SCAF11: variants seen among roughly 807,000 people sequenced by gnomAD.
SCAF11 encodes the protein protein SCAF11.
A neutral mutation model predicts 140.5 loss-of-function variants in SCAF11; 47 were observed. That is an observed-to-expected ratio of 0.33 (90% confidence interval 0.26 to 0.43). The LOEUF is 0.43. Among genes scored for constraint, SCAF11 ranks in the 20% least tolerant of loss-of-function variants. The pLI is 1.00. For synonymous variants in SCAF11, 557 were observed against 579.4 expected, an observed-to-expected ratio of 0.96 and a Z score of 0.55; for missense variants, 1,645 against 1,705.1, an observed-to-expected ratio of 0.96 and a Z score of 0.62.
chr12:45,952,758 G>A (rs536188709), intron 3 of SCAF11, among the ~76,000 whole-genome samples: 54 of 152,208 alleles, frequency 3.5e-4, no homozygotes, highest in African/African-American at 9.1e-4. Context: ...TGCAAAGAGC[G>A]TACCAAAAGG....
chr12:45,926,489 C>A lies in SCAF11; in HGVS notation c.3212G>T (p.Arg1071Leu), dbSNP rs146183261. Residue 1071 changes from arginine (R) to leucine (L), a missense_variant, in exon 11 of 15, where the codon CGT (arginine) becomes CTT (leucine). Coordinates refer to ENST00000369367, the MANE Select transcript of SCAF11 (RefSeq NM_004719.3). ...KNFGSGWVSN[R>L]GRGRGNRGRG... ...GCCACGGTTGCCTCTGCCTCTACCA[C>A]GGTTAGATACCCAACCAGAACCAAA... 8.7e-6 allele frequency: 14 copies of A among 1,614,068 alleles called. No individual in the cohort carries two copies. Among genetic ancestry groups the A allele is most frequent in the African/African-American group, 1.3e-5 (1 of 74,934 alleles).
At chr12:45,987,356 A>C (rs1946480318) in intron 1 of SCAF11, among the ~76,000 whole-genome samples, 2 of 152,382 alleles carry the variant, frequency 1.3e-5, no homozygotes, top group East Asian at 1.9e-4. Flanking sequence ...GCTTAGTCTA[A>C]AGTTTCAAAC....
In SCAF11 at chr12:45,928,268, C is replaced by T. The variant is rs1019839641; in HGVS notation, c.1433G>A (p.Cys478Tyr). ...AACTAGCACAGGAAGATCTTGAGCA[C>T]AAGACTCAGAAGATGAAGATCCTAC... ...ERVGSSSSES[C>Y]AQDLPVLVGE... is the part of the protein sequence containing the mutation. The change falls in exon 11 of 15, where the codon TGT (cysteine) becomes TAT (tyrosine). Residue 478 changes from cysteine to tyrosine, a missense_variant. Around this residue, in one of 2 missense-constraint regions of SCAF11, gnomAD observed 1,582 missense variants for 1,609.2 expected, o/e 0.98. Transcript: ENST00000369367. 1 of 1,613,854 alleles carries T rather than the reference C, an allele frequency of 6.2e-7. No individual in the cohort carries two copies. Among genetic ancestry groups the T allele is most frequent in the African/African-American group, 1.3e-5 (1 of 74,920 alleles).
chr12:45,972,893 GATATATATAT>G lies in SCAF11; in HGVS notation c.-21-8715_-21-8706del, dbSNP rs377736896. Among the ~76,000 whole-genome samples, 3 of 63,830 alleles carry G rather than the reference GATATATATAT, an allele frequency of 4.7e-5. 1 individual carries two copies. Among genetic ancestry groups the G allele is most frequent in the African/African-American group, 3.9e-4 (3 of 7,618 alleles). The allele number at this position is 63,830 out of a possible 152,430, so 41.9% of individuals were successfully genotyped here. ...ATATATATATATAGATATATATATA[GATATATATAT>G]ATATAGATATATATATAGATATATA... On this transcript the variant is annotated intron_variant, in intron 1 of 14. Transcript: ENST00000369367.
intron 6 of SCAF11, among the ~76,000 whole-genome samples, chr12:45,937,973 A>G (rs1169775518): frequency 6.6e-6 from 1 of 152,210 alleles, no homozygotes; most frequent in Non-Finnish European, 1.5e-5. Context: ...GCCTTCACAG[A>G]TAATGGAGGC....
rs186355188 is a variant in SCAF11 at position 45,960,270 on chromosome 12, T to C, written c.219+1430A>G. 2.2e-3 allele frequency among the ~76,000 whole-genome samples: 341 copies of C among 152,276 alleles called. 3 individuals are homozygous for C. In the Middle Eastern group the frequency reaches 0.024, roughly 11 times the overall value. On this transcript the variant is annotated intron_variant, in intron 3 of 14. Transcript: ENST00000369367. ...TTATCTACTTATTACATACACATTA[T>C]AATTTTCTTAGAGCAAAACATATAC...
intron 5 of SCAF11, among the ~76,000 whole-genome samples, chr12:45,946,023 C>T (rs1377214314): frequency 1.3e-4 from 20 of 152,060 alleles, no homozygotes; most frequent in Admixed American, 1.3e-3. Flanking sequence ...ATCTTACTGG[C>T]TGATCATGAC....
intron 2 of SCAF11, among the ~76,000 whole-genome samples, chr12:45,962,595 C>A (rs1243706276): frequency 2.0e-5 from 3 of 151,972 alleles, no homozygotes; most frequent in African/African-American, 7.3e-5. Context: ...CTCTGAAATT[C>A]AACATAAAAA....
intron 6 of SCAF11, among the ~76,000 whole-genome samples, chr12:45,939,156 G>GT (rs924519981): frequency 1.3e-5 from 2 of 151,120 alleles, no homozygotes; most frequent in African/African-American, 4.9e-5. Flanking sequence ...TGTTTTAATG[G>GT]TAAAAACTGT....
intron 1 of SCAF11, among the ~76,000 whole-genome samples, chr12:45,969,131 T>C (rs180976024): frequency 6.6e-6 from 1 of 152,306 alleles, no homozygotes; most frequent in Admixed American, 6.5e-5. Flanking sequence ...TAAAAATATA[T>C]TTAATAGCTG....
chr12:45,956,590 C>G (rs1444398927), intron 3 of SCAF11, among the ~76,000 whole-genome samples: 1 of 151,986 alleles, frequency 6.6e-6, no homozygotes, highest in Non-Finnish European at 1.5e-5. Flanking sequence ...GGAGTGTATC[C>G]CTAAAGGACA....
intron 1 of SCAF11, among the ~76,000 whole-genome samples, chr12:45,972,022 T>C (rs1173312807): frequency 1.3e-5 from 2 of 152,052 alleles, no homozygotes; most frequent in African/African-American, 4.8e-5. Flanking sequence ...CTCAAGAAAG[T>C]AACAGCTGTT....
chr12:45,922,338 C>CA (rs1459260370), intron 14 of SCAF11, 125 bp downstream of exon 14: 1 of 1,476,370 alleles, frequency 6.8e-7, no homozygotes, highest in Non-Finnish European at 9.1e-7. Flanking sequence ...AATCAAAAGG[C>CA]AAAAAAGTAG....
chr12:45,976,232 T>C (rs1946229535), intron 1 of SCAF11, among the ~76,000 whole-genome samples: 1 of 152,178 alleles, frequency 6.6e-6, no homozygotes, highest in Non-Finnish European at 1.5e-5. Context: ...AAATTTTAAG[T>C]ATGTATAATT....
intron 1 of SCAF11, among the ~76,000 whole-genome samples, chr12:45,987,150 A>G (rs1489359213): frequency 6.6e-6 from 1 of 152,220 alleles, no homozygotes; most frequent in Non-Finnish European, 1.5e-5. Context: ...TACTTAGCCC[A>G]GGAATTTGAG....
At chr12:45,923,937 G>A (rs1264463841) in intron 12 of SCAF11, among the ~76,000 whole-genome samples, 1 of 151,820 alleles carries the variant, frequency 6.6e-6, no homozygotes, top group Non-Finnish European at 1.5e-5. Flanking sequence ...TGCAACCTCC[G>A]CCTCCTGGGT....
Position 45,926,830 on chromosome 12 carries a change from A to T in SCAF11, c.2871T>A (p.Ile957=). The T allele has an allele frequency of 6.2e-7, 1 of 1,614,112 alleles. No homozygotes were observed. ...ACCGGGGAGAGTAACTATCTCTGTC[A>T]ATTCTACCAAATGATGAACTCTTAC... ...TKSKSSSFGR[I]DRDSYSPRWK... The change falls in exon 11 of 15, where the codon ATT becomes ATA. Residue 957 remains isoleucine, a synonymous_variant. Coordinates refer to ENST00000369367, the MANE Select transcript of SCAF11 (RefSeq NM_004719.3).
rs570321560 is a variant in SCAF11, at chr12:45,949,391, C to T, written c.298-854G>A. Among the ~76,000 whole-genome samples the T allele has an allele frequency of 2.8e-3, 427 of 152,112 alleles. 4 individuals carry two copies. Among genetic ancestry groups the T allele is most frequent in the South Asian group, 8.1e-3 (39 of 4,818 alleles). ...TCTCAATAATAATTTTAAAATATTA[C>T]ATGTTGAGCTAATACATTAGATATA... On this transcript the variant is annotated intron_variant, in intron 4 of 14. Coordinates refer to ENST00000369367, the MANE Select transcript of SCAF11 (RefSeq NM_004719.3).
intron 3 of SCAF11, among the ~76,000 whole-genome samples, chr12:45,953,523 AAC>A (rs1397815140): frequency 1.3e-5 from 2 of 152,198 alleles, no homozygotes; most frequent in East Asian, 1.9e-4. Flanking sequence ...CAGCCTAGGC[AAC>A]AGAGTGAGAT....
Sources: gnomAD v4.1 joint callset for allele counts (sites outside exome capture counted in the v4.1 genomes callset) on GRCh38, gnomAD v4.1.1 for gene constraint, gnomAD v4.1.1 regional missense constraint, MANE v1.5 for transcripts, NCBI Gene and HGNC (gene_info 2026-07-23, HGNC 2026-07-21) for gene names.